The following KIF24 variants were observed in gnomAD, a reference collection of about 807,000 sequenced individuals.
The protein encoded by KIF24 is kinesin family member 24.
In KIF24, 81 loss-of-function variants were observed where a neutral mutation model predicts 118.9. The observed-to-expected ratio is 0.68, with a 90% CI of 0.57 to 0.82. KIF24 has a LOEUF of 0.82. KIF24 is among the 40% of genes least tolerant of loss of function. KIF24 has a pLI of 0.00. For synonymous variants in KIF24, 599 were observed against 610.0 expected (o/e 0.98, Z 0.27); for missense variants, 1,560 against 1,661.6 (o/e 0.94, Z 1.06).
At chr9:34,263,983 T>C (rs1443185669) in intron 8 of KIF24, among the ~76,000 whole-genome samples, 1 of 151,982 alleles carries the variant, frequency 6.6e-6, no homozygotes, top group Non-Finnish European at 1.5e-5. Flanking sequence ...TCATTGGACA[T>C]GATAAGGACA....
chr9:34,256,129 C>G lies in KIF24; in HGVS notation c.3478G>C (p.Val1160Leu). The G allele has an allele frequency of 6.2e-7, 1 of 1,609,066 alleles. No homozygotes were observed. The highest frequency in any genetic ancestry group is 1.1e-5 in the South Asian group (1 of 90,934). Residue 1160 changes from valine (V) to leucine (L), a missense_variant, in exon 11 of 13, where the codon GTA (valine) becomes CTA (leucine). This residue lies in a region of KIF24 where 591 missense variants were observed against 655.6 expected (regional missense o/e 0.90). Coordinates refer to ENST00000402558, the MANE Select transcript of KIF24 (RefSeq NM_194313.4). ...CCCATGTGTTCGTGGGAGAAAAGTA[C>G]AGTCTCTCTGCTCTGGCAGGCCTCT... ...LGEACQSRET[V>L]LFSHEHMGSE...
chr9:34,265,311 G>A (rs1456189849), intron 8 of KIF24, among the ~76,000 whole-genome samples: 1 of 151,992 alleles, frequency 6.6e-6, no homozygotes, highest in East Asian at 1.9e-4. Context: ...TTGGGTTACA[G>A]GTGCGCACCA....
rs1211361477 is a variant in KIF24, at chr9:34,252,417, C to T, written c.*1963G>A. On this transcript the variant is annotated 3_prime_UTR_variant, in exon 13 of 13. Coordinates refer to ENST00000402558, the MANE Select transcript of KIF24 (RefSeq NM_194313.4). ...GTTTGTTTTGTATTATGTTGTACAT[C>T]ATTAAAGATCTAAATACAAAGGATA... 6.6e-6 allele frequency: 1 copy of T among 152,610 alleles called. No homozygotes were observed. Among genetic ancestry groups the T allele is most frequent in the Non-Finnish European group, 1.5e-5 (1 of 68,046 alleles). The allele number at this position is 152,610 out of a possible 1,614,324, so 9.5% of individuals were successfully genotyped here.
At chr9:34,317,387 T>TAA (rs34841457) in intron 1 of KIF24, among the ~76,000 whole-genome samples, 5 of 144,954 alleles carry the variant, frequency 3.4e-5, no homozygotes, top group Admixed American at 6.9e-5. Context: ...GAGACTGTCT[T>TAA]AAAAAAAAAA....
At chr9:34,331,279 A>G (rs1385470555), upstream of KIF24, among the ~76,000 whole-genome samples, 1 of 152,254 alleles carries the variant, frequency 6.6e-6, no homozygotes, top group Non-Finnish European at 1.5e-5. Flanking sequence ...ATGATCTTTT[A>G]TGACACACGG....
chr9:34,272,571 C>T (rs189152631), intron 6 of KIF24, among the ~76,000 whole-genome samples: 44 of 152,298 alleles, frequency 2.9e-4, no homozygotes, highest in African/African-American at 9.9e-4. Flanking sequence ...TAAGAACATG[C>T]TGCCCTTAGT....
chr9:34,324,233 A>G (rs1430712762), intron 1 of KIF24, among the ~76,000 whole-genome samples: 6 of 152,244 alleles, frequency 3.9e-5, no homozygotes, highest in Non-Finnish European at 8.8e-5. Flanking sequence ...CACTATAAAA[A>G]TGTCTCCACA....
intron 2 of KIF24, among the ~76,000 whole-genome samples, chr9:34,307,988 T>C (rs1836997172): frequency 6.6e-6 from 1 of 152,224 alleles, no homozygotes; most frequent in Non-Finnish European, 1.5e-5. Context: ...TTTTTTGTTT[T>C]GAGACAGGGT....
intron 4 of KIF24, among the ~76,000 whole-genome samples, chr9:34,293,280 G>C (rs1836323812): frequency 6.6e-6 from 1 of 151,316 alleles, no homozygotes; most frequent in South Asian, 2.1e-4. Flanking sequence ...AGGAGTTCGA[G>C]ATCAGCCTGG....
chr9:34,298,608 G>A (rs1191450799), intron 3 of KIF24, among the ~76,000 whole-genome samples: 2 of 151,984 alleles, frequency 1.3e-5, no homozygotes, highest in African/African-American at 2.4e-5. Flanking sequence ...AGGGGTCTTG[G>A]GACACCAGTC....
intron 1 of KIF24, among the ~76,000 whole-genome samples, chr9:34,315,181 A>G (rs992651252): frequency 1.3e-5 from 2 of 152,116 alleles, no homozygotes; most frequent in African/African-American, 2.4e-5. Flanking sequence ...TTAAATTTTG[A>G]AACTATGTGA....
At chr9:34,291,772 T>C (rs1836264172) in intron 4 of KIF24, among the ~76,000 whole-genome samples, 1 of 151,028 alleles carries the variant, frequency 6.6e-6, no homozygotes, top group Non-Finnish European at 1.5e-5. Flanking sequence ...GGATTAATGA[T>C]AAAAATAGCT....
intron 8 of KIF24, among the ~76,000 whole-genome samples, chr9:34,267,700 T>C (rs1835345994): frequency 6.6e-6 from 1 of 152,176 alleles, no homozygotes; most frequent in African/African-American, 2.4e-5. Context: ...TTCTACAAGC[T>C]TTTTTGGTAA....
chr9:34,257,913 T>C lies in KIF24; in HGVS notation c.1694A>G (p.Asn565Ser). The change falls in exon 11 of 13, where the codon AAC becomes AGC. Residue 565 changes from asparagine to serine, a missense_variant. Transcript: ENST00000402558. ...GCTCTGAATTCGTTTTGGAGAGGAG[T>C]TTCCAGATGTCCGATTTCGACTGGT... ...SVTSRNRTSG[N>S]SSPKRIQSSP... 6.2e-7 allele frequency: 1 copy of C among 1,613,884 alleles called. No individual in the cohort carries two copies. The highest frequency in any genetic ancestry group is 1.7e-5 in the Admixed American group (1 of 59,990).
At chr9:34,263,251 G>A in intron 8 of KIF24, 79 bp from the exon 9 acceptor site, 4 of 1,031,326 alleles carry the variant, frequency 3.9e-6, no homozygotes, top group Non-Finnish European at 3.0e-6. Context: ...TCCACAGGAA[G>A]CTTGTTTTTC....
chr9:34,255,101 C>G lies in KIF24; in HGVS notation c.3937G>C (p.Glu1313Gln), dbSNP rs1445596551. 6.3e-7 allele frequency: 1 copy of G among 1,595,712 alleles called. No homozygotes were observed. Among genetic ancestry groups the G allele is most frequent in the Non-Finnish European group, 8.5e-7 (1 of 1,170,952 alleles). Residue 1313 changes from glutamate (E) to glutamine (Q), a missense_variant, in exon 12 of 13, where the codon GAG becomes CAG. This residue lies in a region of KIF24 where 591 missense variants were observed against 655.6 expected (regional missense o/e 0.90). Coordinates refer to ENST00000402558, the MANE Select transcript of KIF24 (RefSeq NM_194313.4). ...GAAGCCAGCTGGCTCATCAGCGTCT[C>G]CTCCTTGAAGCCGAGCTCAGCCATT... Reference protein sequence around the residue: ...DEMAELGFKEETLMSQLASND... With the variant: ...DEMAELGFKEQTLMSQLASND...
At chr9:34,299,323 G>T (rs1360131334) in intron 3 of KIF24, among the ~76,000 whole-genome samples, 1 of 151,836 alleles carries the variant, frequency 6.6e-6, no homozygotes, top group Admixed American at 6.6e-5. Flanking sequence ...TGGGATTACA[G>T]GCGCCCGCCA....
Position 34,254,224 on chromosome 9 carries a change from A to C in KIF24, c.*156T>G. On this transcript the variant is annotated 3_prime_UTR_variant, in exon 13 of 13. Coordinates refer to ENST00000402558, the MANE Select transcript of KIF24 (RefSeq NM_194313.4). ...GTCCCTGAGGGAGAAGCTGGGACCT[A>C]TCTGAAGCCACGTGGGGCTGGGGTG... The C allele has an allele frequency of 1.4e-6, 1 of 739,442 alleles. No individual in the cohort carries two copies. Among genetic ancestry groups the C allele is most frequent in the Non-Finnish European group, 2.0e-6 (1 of 490,602 alleles). The allele number at this position is 739,442 out of a possible 1,614,324, so 45.8% of individuals were successfully genotyped here.
At chr9:34,263,468 A>T (rs1262660739) in intron 8 of KIF24, among the ~76,000 whole-genome samples, 1 of 152,182 alleles carries the variant, frequency 6.6e-6, no homozygotes, top group Non-Finnish European at 1.5e-5. Context: ...CTCAAGTCCC[A>T]GAGTTCAAGC....
Sources: allele counts gnomAD v4.1 joint callset (sites outside exome capture counted in the v4.1 genomes callset), GRCh38; gene constraint gnomAD v4.1.1; regional missense constraint gnomAD v4.1.1; transcripts MANE v1.5; gene names NCBI Gene and HGNC (gene_info 2026-07-23, HGNC 2026-07-21).